RIMBP2: variants seen among roughly 807,000 people sequenced by gnomAD.
RIMBP2 encodes the protein RIMS binding protein 2.
Under a neutral mutation model 118.6 loss-of-function variants are expected in RIMBP2, and 48 were observed. That is an observed-to-expected ratio of 0.40 (90% CI 0.32 to 0.51). The LOEUF is 0.51. RIMBP2 is among the 20% of genes least tolerant of loss of function. RIMBP2 has a pLI of 0.41. For synonymous variants in RIMBP2, 762 were observed against 742.9 expected, an observed-to-expected ratio of 1.03 and a Z score of -0.42; for missense variants, 1,551 against 1,768.3, an observed-to-expected ratio of 0.88 and a Z score of 2.20.
chr12:130,707,374 A>G (rs1949571617), intron 1 of RIMBP2, among the ~76,000 whole-genome samples: 1 of 152,142 alleles, frequency 6.6e-6, no homozygotes, highest in South Asian at 2.1e-4. Context: ...GGAGGGAGGG[A>G]GGCACATCAA....
At position 130,442,279 on chromosome 12, in the gene RIMBP2, C is replaced by T. The variant is rs758515307; in HGVS notation, c.1073G>A (p.Arg358His). 6 of 1,614,188 alleles carry T rather than the reference C, an allele frequency of 3.7e-6. No individual in the cohort carries two copies. The highest frequency in any genetic ancestry group is 4.2e-6 in the Non-Finnish European group (5 of 1,180,038). The change falls in exon 11 of 23, where the codon CGC (arginine) becomes CAC (histidine). Residue 358 changes from arginine (R) to histidine (H), a missense_variant. Physicochemically the swap from Arg to His is conservative, Grantham distance 29. Transcript: ENST00000690449. The surrounding 1 kb of genome is among the most constrained non-coding windows in gnomAD (Gnocchi z 6.9). Reference protein sequence around the residue: ...SYNVLVDKETRMNLTLGSRTK... With the variant: ...SYNVLVDKETHMNLTLGSRTK... ...TCTGCTCCCCAGCGTGAGGTTCATG[C>T]GTGTCTCCTTGTCCACCAGGACGTT... is the stretch of plus-strand genomic sequence containing the variant.
intron 17 of RIMBP2, among the ~76,000 whole-genome samples, chr12:130,418,658 G>A (rs897707854): frequency 2.6e-5 from 4 of 152,180 alleles, no homozygotes; most frequent in South Asian, 2.1e-4. Context: ...GCATCAAAAC[G>A]TGCAGAGGGG....
At position 130,683,474 on chromosome 12, in the gene RIMBP2, G is replaced by A. The variant is rs1306767626; in HGVS notation, c.-352+32748C>T. On this transcript the variant is annotated intron_variant, in intron 1 of 22. Transcript: ENST00000690449. This position sits in a 1 kb window ranked among gnomAD's most constrained non-coding sequence, Gnocchi z 4.4. ...AATAAATTCTCTGGTGGTATTGTCAGAGGCATGTGAACCAGAGCAACTCCA... is the reference window on the plus strand; with the variant it reads ...AATAAATTCTCTGGTGGTATTGTCAAAGGCATGTGAACCAGAGCAACTCCA... Among the ~76,000 whole-genome samples the A allele has an allele frequency of 6.6e-6, 1 of 152,222 alleles. No homozygotes were observed. The highest frequency in any genetic ancestry group is 1.5e-5 in the Non-Finnish European group (1 of 68,038).
rs190886234 is a variant in RIMBP2, at chr12:130,506,871, A to G, written c.-126-101T>C. 3.1e-5 allele frequency: 27 copies of G among 873,762 alleles called. No homozygotes were observed. In the East Asian group the frequency reaches 2.8e-3, roughly 90 times the overall value. 54.1% of individuals were successfully genotyped at this position (873,762 alleles called of 1,614,324 possible). ...GGAGCAAAATCTTCAATTTCCTCCT[A>G]GAGAATCCTTCCCTCCCTCCTTCTC... On this transcript the variant is annotated intron_variant, in intron 3 of 22. Coordinates refer to ENST00000690449, the MANE Select transcript of RIMBP2 (RefSeq NM_001393629.1).
At chr12:130,529,898 A>G (rs145969276) in intron 2 of RIMBP2, among the ~76,000 whole-genome samples, 2 of 152,222 alleles carry the variant, frequency 1.3e-5, no homozygotes, top group African/African-American at 4.8e-5. Context: ...GATCTGATAG[A>G]AGGCAGAGCT....
intron 2 of RIMBP2, among the ~76,000 whole-genome samples, chr12:130,535,625 C>A (rs1431170773): frequency 2.7e-5 from 4 of 150,612 alleles, no homozygotes; most frequent in Non-Finnish European, 4.4e-5. Context: ...ACAGCTCTCT[C>A]TATATATATA....
chr12:130,407,662 T>C lies in RIMBP2; in HGVS notation c.3693+64A>G. 3.9e-6 allele frequency: 5 copies of C among 1,288,710 alleles called. No individual in the cohort carries two copies. In the Admixed American group the frequency reaches 8.4e-5, roughly 22 times the overall value. 79.8% of individuals were successfully genotyped at this position (1,288,710 alleles called of 1,614,324 possible). A position where few individuals can be genotyped will look rare whatever the true frequency, so the allele number is the denominator to read the frequency against. On this transcript the variant is annotated intron_variant, in intron 20 of 22. Coordinates refer to ENST00000690449, the MANE Select transcript of RIMBP2 (RefSeq NM_001393629.1). ...GTGAACACACGTGGCCTCAGTGTGG[T>C]GTACCACGAGGGAAGGGAAGGGTGT...
At chr12:130,574,560 C>A (rs1163284589) in intron 2 of RIMBP2, among the ~76,000 whole-genome samples, 3 of 152,168 alleles carry the variant, frequency 2.0e-5, no homozygotes, top group Non-Finnish European at 4.4e-5. Context: ...GGAGATGCAT[C>A]GCTGAACCTG....
intron 1 of RIMBP2, among the ~76,000 whole-genome samples, chr12:130,694,139 G>C (rs1445788314): frequency 6.6e-6 from 1 of 152,222 alleles, no homozygotes; most frequent in Non-Finnish European, 1.5e-5. Context: ...CCAGAAGGGG[G>C]TGGTGAATGC....
At chr12:130,480,237 C>CACACACACACACACACG (rs59071818) in intron 4 of RIMBP2, among the ~76,000 whole-genome samples, 7 of 150,210 alleles carry the variant, frequency 4.7e-5, no homozygotes, top group East Asian at 2.0e-4. Flanking sequence ...ACACACACAC[C>CACACACACACACACACG]TGTGGTAACT....
At chr12:130,677,851 T>A (rs1428878824) in intron 1 of RIMBP2, among the ~76,000 whole-genome samples, 1 of 152,202 alleles carries the variant, frequency 6.6e-6, no homozygotes, top group Non-Finnish European at 1.5e-5. Flanking sequence ...TTTTAAAGCA[T>A]AAACCAGATC....
intron 1 of RIMBP2, among the ~76,000 whole-genome samples, chr12:130,661,741 T>C (rs1421112178): frequency 1.3e-5 from 2 of 152,156 alleles, no homozygotes; most frequent in Non-Finnish European, 2.9e-5. Context: ...TTTTGGTAAC[T>C]GATGAATCAG....
rs1281740130 is a variant in RIMBP2, at chr12:130,701,397, ATC to A, written c.-352+14823_-352+14824del. Among the ~76,000 whole-genome samples the A allele has an allele frequency of 5.3e-5, 8 of 152,246 alleles. 1 individual carries two copies. The highest frequency in any genetic ancestry group is 1.9e-4 in the African/African-American group (8 of 41,470). ...ACTTTCTGCCTTACACTCAGCTTACATCACACGTGGAACTGCTTGTATTGGAG... is the reference window on the plus strand; with the variant it reads ...ACTTTCTGCCTTACACTCAGCTTACAACACGTGGAACTGCTTGTATTGGAG... On this transcript the variant is annotated intron_variant, in intron 1 of 22. Transcript: ENST00000690449.
At position 130,670,367 on chromosome 12, in the gene RIMBP2, C is replaced by T. The variant is rs967387040; in HGVS notation, c.-351-41911G>A. 2.0e-5 allele frequency among the ~76,000 whole-genome samples: 3 copies of T among 152,118 alleles called. No homozygotes were observed. The highest frequency in any genetic ancestry group is 7.2e-5 in the African/African-American group (3 of 41,426). On this transcript the variant is annotated intron_variant, in intron 1 of 22. Transcript: ENST00000690449. The surrounding 1 kb of genome is among the most constrained non-coding windows in gnomAD (Gnocchi z 4.9). The stretch of plus-strand genomic sequence containing the variant: ...AGCGGATCTTCCCGGCAGCCACCAG[C>T]GTGTGAGCATTTTGCCTCGGGAAAC...
At chr12:130,569,312 G>C (rs1188069682) in intron 2 of RIMBP2, among the ~76,000 whole-genome samples, 1 of 152,166 alleles carries the variant, frequency 6.6e-6, no homozygotes. Context: ...AGAAAGCCTT[G>C]TTAGCTTAAA....
intron 17 of RIMBP2, among the ~76,000 whole-genome samples, chr12:130,416,864 C>T (rs1305706873): frequency 6.6e-6 from 1 of 151,910 alleles, no homozygotes; most frequent in East Asian, 1.9e-4. Context: ...CTTAAATCAA[C>T]AAGCAAAAAA....
chr12:130,456,774 G>T, intron 6 of RIMBP2, 74 bp from the exon 7 acceptor site: 1 of 1,133,970 alleles, frequency 8.8e-7, no homozygotes, highest in Non-Finnish European at 1.3e-6. Context: ...CTGTTCACAT[G>T]TGTTGTACGT....
chr12:130,577,504 G>A (rs1449430779), intron 2 of RIMBP2, among the ~76,000 whole-genome samples: 2 of 152,160 alleles, frequency 1.3e-5, no homozygotes, highest in Non-Finnish European at 2.9e-5. Context: ...GAGAGCACAA[G>A]CATGCAGAGG....
chr12:130,456,667 T>A lies in RIMBP2; in HGVS notation c.187A>T (p.Thr63Ser). Residue 63 changes from threonine to serine, a missense_variant, in exon 7 of 23, where the codon ACT (threonine) becomes TCT (serine). Physicochemically the swap from Thr to Ser is moderately conservative, Grantham distance 58 (BLOSUM62 1). Transcript: ENST00000690449. The stretch of plus-strand genomic sequence containing the variant: ...AGCAGGTTGAACTGCTCACTTTGAG[T>A]CCGGCATTTCTCTTCCAGCTCTCGA... ...KVRELEEKCR[T>S]QSEQFNLLSR... The A allele has an allele frequency of 6.2e-7, 1 of 1,609,634 alleles. No individual in the cohort carries two copies. Among genetic ancestry groups the A allele is most frequent in the Non-Finnish European group, 8.5e-7 (1 of 1,176,708 alleles).
Sources: allele counts gnomAD v4.1 joint callset (sites outside exome capture counted in the v4.1 genomes callset), GRCh38; gene constraint gnomAD v4.1.1; non-coding constraint Gnocchi (gnomAD v3.1); transcripts MANE v1.5; gene names NCBI Gene and HGNC (gene_info 2026-07-23, HGNC 2026-07-21).